The following PDE4D variants were observed in gnomAD, a reference collection of about 807,000 sequenced individuals.
PDE4D encodes the protein 3',5'-cyclic-AMP phosphodiesterase 4D.
PDE4D carries 24 observed loss-of-function variants against 87.4 expected under a neutral mutation model. That is an observed-to-expected ratio of 0.27 (90% CI 0.20 to 0.39). The LOEUF (loss-of-function observed/expected upper bound fraction) is 0.39. Among genes scored for constraint, PDE4D ranks in the 10% least tolerant of loss-of-function variants. The probability of loss-of-function intolerance (pLI) is 1.00; values close to 1 mark genes in which losing one functional copy is unlikely to be tolerated. For synonymous variants in PDE4D, 384 were observed against 383.2 expected (o/e 1.00, Z -0.02); for missense variants, 714 against 1,041.0 (o/e 0.69, Z 4.32).
intron 1 of PDE4D, among the ~76,000 whole-genome samples, chr5:59,512,275 A>C (rs1471115498): frequency 6.6e-6 from 1 of 152,180 alleles, no homozygotes; most frequent in Non-Finnish European, 1.5e-5. Context: ...AGGCTAAGCC[A>C]AGTGACATGA....
chr5:59,746,507 T>C (rs1000367598), intron 1 of PDE4D, among the ~76,000 whole-genome samples: 1 of 152,136 alleles, frequency 6.6e-6, no homozygotes, highest in African/African-American at 2.4e-5. Context: ...CTACATGGTC[T>C]TAAAACCAAG....
chr5:60,435,560 G>A (rs1459096886), intron 1 of PDE4D, among the ~76,000 whole-genome samples: 1 of 151,950 alleles, frequency 6.6e-6, no homozygotes, highest in East Asian at 1.9e-4. Context: ...GGAGCATGTA[G>A]CTTTCAAGAT....
rs149370545 is a variant in PDE4D, at chr5:59,802,820, A to G, written c.455+90348T>C. On this transcript the variant is annotated intron_variant, in intron 1 of 14. Coordinates refer to ENST00000340635, the MANE Select transcript of PDE4D (RefSeq NM_001104631.2). Reference sequence around the variant, plus strand: ...AAATCAATGGGCCAGCAGAGAATACAGTGCATGAATTCAATAGTCCCTGCA... The same window carrying G: ...AAATCAATGGGCCAGCAGAGAATACGGTGCATGAATTCAATAGTCCCTGCA... 3.4e-4 allele frequency among the ~76,000 whole-genome samples: 52 copies of G among 152,328 alleles called. No homozygotes were observed. The East Asian group carries it at 9.4e-3, about 28-fold the overall frequency.
intron 1 of PDE4D, among the ~76,000 whole-genome samples, chr5:60,408,098 T>C (rs987106482): frequency 6.6e-6 from 1 of 152,058 alleles, no homozygotes; most frequent in Non-Finnish European, 1.5e-5. Flanking sequence ...TCACCAGACA[T>C]GTGAGGGAAG....
chr5:60,196,941 G>C (rs1263602173), intron 1 of PDE4D, among the ~76,000 whole-genome samples: 1 of 151,290 alleles, frequency 6.6e-6, no homozygotes, highest in African/African-American at 2.4e-5. Context: ...ACAAATCATA[G>C]TCTGTACTTT....
chr5:59,255,576 T>C (rs1303543827), intron 1 of PDE4D, among the ~76,000 whole-genome samples: 1 of 152,114 alleles, frequency 6.6e-6, no homozygotes, highest in Non-Finnish European at 1.5e-5. Context: ...CCTGTATTGA[T>C]GAAGAGTAGG....
chr5:60,332,943 T>A (rs1445805108), intron 1 of PDE4D, among the ~76,000 whole-genome samples: 3 of 152,186 alleles, frequency 2.0e-5, no homozygotes, highest in African/African-American at 4.8e-5. Flanking sequence ...ATAATCCAGG[T>A]ATAGCATCCT....
chr5:59,214,994 C>T (rs999956324), intron 2 of PDE4D, among the ~76,000 whole-genome samples: 2 of 151,924 alleles, frequency 1.3e-5, no homozygotes, highest in Non-Finnish European at 2.9e-5. Flanking sequence ...AATGTATAGA[C>T]CAAGAGAGAA....
At chr5:60,343,464 T>C (rs887817625) in intron 1 of PDE4D, among the ~76,000 whole-genome samples, 33 of 152,184 alleles carry the variant, frequency 2.2e-4, no homozygotes, top group Non-Finnish European at 4.4e-4. Context: ...ATGATGATGA[T>C]GACGATGATA....
At chr5:59,975,839 C>T (rs1250187706) in intron 3 of PDE4D, among the ~76,000 whole-genome samples, 2 of 152,226 alleles carry the variant, frequency 1.3e-5, no homozygotes, top group East Asian at 1.9e-4. Context: ...CTGCTGTTCT[C>T]TCTTCCTGGA....
At chr5:59,771,538 G>GAAAGAAAGAAAGAAAGAAAGA (rs1763572780) in intron 1 of PDE4D, among the ~76,000 whole-genome samples, 1 of 148,302 alleles carries the variant, frequency 6.7e-6, no homozygotes, top group African/African-American at 2.6e-5. Flanking sequence ...AAGAAAGAAA[G>GAAAGAAAGAAAGAAAGAAAGA]AAAGAAAGAA....
intron 1 of PDE4D, among the ~76,000 whole-genome samples, chr5:60,411,687 T>A (rs1306855777): frequency 6.6e-6 from 1 of 152,188 alleles, no homozygotes; most frequent in Non-Finnish European, 1.5e-5. Flanking sequence ...ATTTAAAAGA[T>A]CGGCTCTAAA....
At chr5:59,971,352 T>TATA (rs1554125397) in intron 3 of PDE4D, among the ~76,000 whole-genome samples, 1 of 52,968 alleles carries the variant, frequency 1.9e-5, no homozygotes, top group Non-Finnish European at 5.0e-5. Context: ...AAACTTAAAG[T>TATA]ATAATAATAA....
At chr5:60,285,044 G>C (rs1752286869) in intron 1 of PDE4D, among the ~76,000 whole-genome samples, 1 of 152,020 alleles carries the variant, frequency 6.6e-6, no homozygotes, top group Non-Finnish European at 1.5e-5. Context: ...AGCAATCTAA[G>C]AATCATTCAC....
chr5:60,378,103 T>C (rs1322431687), intron 1 of PDE4D, among the ~76,000 whole-genome samples: 1 of 152,184 alleles, frequency 6.6e-6, no homozygotes, highest in African/African-American at 2.4e-5. Flanking sequence ...AGAGCAATCT[T>C]GGAGCGCATA....
At chr5:60,251,140 A>C (rs1437051563) in intron 1 of PDE4D, among the ~76,000 whole-genome samples, 3 of 152,034 alleles carry the variant, frequency 2.0e-5, no homozygotes, top group African/African-American at 7.2e-5. Flanking sequence ...TTACGTTTTA[A>C]GTAGTGTTAT....
intron 1 of PDE4D, among the ~76,000 whole-genome samples, chr5:59,794,021 A>C (rs920354375): frequency 6.6e-6 from 1 of 152,130 alleles, no homozygotes; most frequent in Non-Finnish European, 1.5e-5. Context: ...ATGTGTATAC[A>C]CACACATGCA....
At chr5:59,502,908 CTTTT>C (rs60143243) in intron 1 of PDE4D, among the ~76,000 whole-genome samples, 6 of 131,142 alleles carry the variant, frequency 4.6e-5, no homozygotes, top group African/African-American at 7.9e-5. Flanking sequence ...GATTAGAAGG[CTTTT>C]TTTTTTTTTT....
At chr5:59,416,070 G>A (rs1793557335) in intron 1 of PDE4D, among the ~76,000 whole-genome samples, 1 of 152,148 alleles carries the variant, frequency 6.6e-6, no homozygotes, top group Non-Finnish European at 1.5e-5. Context: ...GTGGCACAGT[G>A]GGCCCTGAAC....
Sources: allele counts gnomAD v4.1 joint callset (sites outside exome capture counted in the v4.1 genomes callset), GRCh38; gene constraint gnomAD v4.1.1; transcripts MANE v1.5; gene names NCBI Gene and HGNC (gene_info 2026-07-23, HGNC 2026-07-21).